WWOX: variants seen among roughly 807,000 people sequenced by gnomAD.
WWOX encodes WW domain-containing oxidoreductase.
In WWOX, 69 loss-of-function variants were observed where a neutral mutation model predicts 46.2. The ratio of observed to expected loss-of-function variants is 1.49; its 90% confidence interval spans 1.23 to 1.82. WWOX has a LOEUF of 1.82. Ranked by LOEUF, WWOX falls within the 40% of genes most tolerant of loss-of-function variation. The probability of loss-of-function intolerance (pLI) is 0.00; values close to 1 mark genes in which losing one functional copy is unlikely to be tolerated. For synonymous variants in WWOX, 359 were observed against 202.6 expected (o/e 1.77, Z -6.56); for missense variants, 919 against 542.6 (o/e 1.69, Z -6.89).
intron 8 of WWOX, among the ~76,000 whole-genome samples, chr16:78,957,036 A>G (rs1038159238): frequency 3.3e-5 from 5 of 152,160 alleles, no homozygotes; most frequent in Non-Finnish European, 5.9e-5. Context: ...GCTTTATTTA[A>G]TAGACTTGCC....
At chr16:78,887,662 T>C (rs1043601424) in intron 8 of WWOX, among the ~76,000 whole-genome samples, 3 of 152,184 alleles carry the variant, frequency 2.0e-5, no homozygotes, top group Non-Finnish European at 2.9e-5. Flanking sequence ...GTGGATTCCA[T>C]AAAATAGTGC....
intron 8 of WWOX, among the ~76,000 whole-genome samples, chr16:79,035,395 A>G (rs1346616350): frequency 2.0e-5 from 3 of 152,080 alleles, no homozygotes; most frequent in African/African-American, 7.2e-5. Flanking sequence ...ACAGTGGCCA[A>G]GGGAGGTGAA....
intron 8 of WWOX, among the ~76,000 whole-genome samples, chr16:78,559,161 C>T (rs1332422203): frequency 6.6e-6 from 1 of 152,204 alleles, no homozygotes; most frequent in African/African-American, 2.4e-5. Flanking sequence ...TCAGCAGTTA[C>T]AGCAAGATTC....
intron 8 of WWOX, among the ~76,000 whole-genome samples, chr16:78,497,960 T>G (rs1045184279): frequency 2.6e-5 from 4 of 151,900 alleles, no homozygotes; most frequent in Non-Finnish European, 5.9e-5. Context: ...GACAGCACTT[T>G]GGGAGGCCGA....
chr16:79,087,559 G>A (rs1335062850), intron 8 of WWOX, among the ~76,000 whole-genome samples: 2 of 151,330 alleles, frequency 1.3e-5, no homozygotes, highest in African/African-American at 2.4e-5. Context: ...GAAAGCCAGA[G>A]CAAGACTCTG....
At chr16:78,331,984 G>GC (rs1354128256) in intron 5 of WWOX, among the ~76,000 whole-genome samples, 3 of 152,154 alleles carry the variant, frequency 2.0e-5, no homozygotes, top group African/African-American at 7.2e-5. Context: ...GTGTCCTCAA[G>GC]CAGTACATCA....
At chr16:78,768,545 G>A (rs1333429658) in intron 8 of WWOX, among the ~76,000 whole-genome samples, 2 of 151,498 alleles carry the variant, frequency 1.3e-5, no homozygotes, top group Non-Finnish European at 2.9e-5. Context: ...AGCGGAGACT[G>A]CGCCGCTGCA....
intron 5 of WWOX, among the ~76,000 whole-genome samples, chr16:78,364,610 T>G (rs917990716): frequency 6.1e-5 from 9 of 148,358 alleles, no homozygotes; most frequent in African/African-American, 2.2e-4. Flanking sequence ...AAAAATAAAC[T>G]GTTTGTCGTG....
rs150077849 is a variant in WWOX at position 78,640,294 on chromosome 16, A to G, written c.1056+207542A>G. Reference sequence around the variant, plus strand: ...TGGTGACTTTTAGCGAATGGATACTATTGAAGGAATGTTTCACTTCCAAAT... The same window carrying G: ...TGGTGACTTTTAGCGAATGGATACTGTTGAAGGAATGTTTCACTTCCAAAT... On this transcript the variant is annotated intron_variant, in intron 8 of 8. Transcript: ENST00000566780. Among the ~76,000 whole-genome samples, 40 of 122,132 alleles carry G rather than the reference A, an allele frequency of 3.3e-4. No homozygotes were observed. In the East Asian group the frequency reaches 9.3e-3, roughly 28 times the overall value. The allele number at this position is 122,132 out of a possible 152,430, so 80.1% of individuals were successfully genotyped here. A position where few individuals can be genotyped will look rare whatever the true frequency, so the allele number is the denominator to read the frequency against.
At chr16:78,137,432 T>A (rs908651062) in intron 4 of WWOX, among the ~76,000 whole-genome samples, 12 of 152,194 alleles carry the variant, frequency 7.9e-5, no homozygotes, top group Non-Finnish European at 1.6e-4. Flanking sequence ...GTTGTGAGAA[T>A]TCGACAAGGT....
chr16:79,074,330 G>C (rs1315019107), intron 8 of WWOX, among the ~76,000 whole-genome samples: 1 of 144,618 alleles, frequency 6.9e-6, no homozygotes, highest in East Asian at 2.2e-4. Flanking sequence ...CTTTAAATGA[G>C]AGAAGTAAAC....
At chr16:78,351,747 C>T (rs1249838737) in intron 5 of WWOX, among the ~76,000 whole-genome samples, 2 of 152,280 alleles carry the variant, frequency 1.3e-5, no homozygotes, top group African/African-American at 2.4e-5. Flanking sequence ...AACCCTGCCT[C>T]CCAGGTTCAA....
intron 8 of WWOX, among the ~76,000 whole-genome samples, chr16:79,182,697 G>C (rs896378851): frequency 2.0e-5 from 3 of 152,140 alleles, no homozygotes; most frequent in African/African-American, 7.2e-5. Context: ...ACCTCTTTAT[G>C]CCTTTATTTT....
At chr16:78,317,916 C>T (rs1001424966) in intron 5 of WWOX, among the ~76,000 whole-genome samples, 1 of 152,194 alleles carries the variant, frequency 6.6e-6, no homozygotes, top group African/African-American at 2.4e-5. Flanking sequence ...CTAATCCCCT[C>T]ATGCACTGGC....
intron 8 of WWOX, among the ~76,000 whole-genome samples, chr16:78,466,032 G>GT (rs1300749491): frequency 7.6e-6 from 1 of 131,394 alleles, no homozygotes; most frequent in African/African-American, 3.6e-5. Context: ...GTTTTTTTTG[G>GT]TTTTTTGTTT....
intron 8 of WWOX, among the ~76,000 whole-genome samples, chr16:78,441,220 C>A (rs1241038710): frequency 6.6e-6 from 1 of 152,182 alleles, no homozygotes; most frequent in Non-Finnish European, 1.5e-5. Context: ...CTGCACCCAG[C>A]CTGTAGTTTC....
At position 79,189,423 on chromosome 16, in the gene WWOX, TTGTGTGTGTGTGTGTGTGTGTGTG is replaced by T. The variant is rs4035319; in HGVS notation, c.1057-22153_1057-22130del. Among the ~76,000 whole-genome samples the T allele has an allele frequency of 4.5e-3, 517 of 114,972 alleles. 7 individuals carry two copies. Among genetic ancestry groups the T allele is most frequent in the African/African-American group, 0.016 (468 of 29,624 alleles). 75.4% of individuals were successfully genotyped at this position (114,972 alleles called of 152,430 possible). A position where few individuals can be genotyped will look rare whatever the true frequency, so the allele number is the denominator to read the frequency against. ...CAGGCATGCACCACCACTCCCAGCTTTGTGTGTGTGTGTGTGTGTGTGTGTGTGTGTGTGTGTGTGTGTGTGTGT... is the reference window on the plus strand; with the variant it reads ...CAGGCATGCACCACCACTCCCAGCTTTGTGTGTGTGTGTGTGTGTGTGTGT... On this transcript the variant is annotated intron_variant, in intron 8 of 8. Coordinates refer to ENST00000566780, the MANE Select transcript of WWOX (RefSeq NM_016373.4).
chr16:78,672,983 C>T lies in WWOX; in HGVS notation c.1056+240231C>T, dbSNP rs1028085709. On this transcript the variant is annotated intron_variant, in intron 8 of 8. Coordinates refer to ENST00000566780, the MANE Select transcript of WWOX (RefSeq NM_016373.4). The stretch of plus-strand genomic sequence containing the variant: ...GGGCAAGGCTGAGAGCCCCGGCCAC[C>T]GCCGCCGTGTGTCAGAACTTGGAAA... 1.6e-4 allele frequency among the ~76,000 whole-genome samples: 25 copies of T among 152,302 alleles called. 1 individual carries two copies. The highest frequency in any genetic ancestry group is 5.5e-4 in the African/African-American group (23 of 41,568).
At chr16:78,835,250 A>G (rs564330238) in intron 8 of WWOX, among the ~76,000 whole-genome samples, 2 of 152,274 alleles carry the variant, frequency 1.3e-5, no homozygotes, top group African/African-American at 2.4e-5. Context: ...AGTAAAATTT[A>G]TTCACCTTCC....
Sources: gnomAD v4.1 joint callset for allele counts (sites outside exome capture counted in the v4.1 genomes callset) on GRCh38, gnomAD v4.1.1 for gene constraint, MANE v1.5 for transcripts, NCBI Gene and HGNC (gene_info 2026-07-23, HGNC 2026-07-21) for gene names.